Variants in ADAM29 observed in about 807,000 individuals in gnomAD.
The protein encoded by ADAM29 is ADAM metallopeptidase domain 29.
For missense variants in ADAM29, 969 were observed against 1,001.8 expected (o/e 0.97, Z 0.44); for synonymous variants, 367 against 342.3 (o/e 1.07, Z -0.80).
chr4:174,951,319 C>G (rs189152229), intron 4 of ADAM29, among the ~76,000 whole-genome samples: 106 of 152,238 alleles, frequency 7.0e-4, no homozygotes, highest in Non-Finnish European at 1.1e-3. Flanking sequence ...TTCTAAATAG[C>G]GTTGATTATT....
Position 174,976,269 on chromosome 4 carries a change from G to T in ADAM29, c.744G>T (p.Leu248Phe). 6.2e-7 allele frequency: 1 copy of T among 1,610,140 alleles called. No homozygotes were observed. Residue 248 changes from leucine (L) to phenylalanine (F), a missense_variant, in exon 5 of 5, where the codon TTG becomes TTT. Coordinates refer to ENST00000359240, the MANE Select transcript of ADAM29 (RefSeq NM_014269.4). ...GTGTTAAGGTGTTATTATTTGGTTT[G>T]GAGATCTGGACCAATAAAAACCTCA... ...VIGVKVLLFG[L>F]EIWTNKNLIV...
intron 4 of ADAM29, among the ~76,000 whole-genome samples, chr4:174,946,658 T>C (rs901274011): frequency 1.3e-5 from 2 of 152,074 alleles, no homozygotes; most frequent in African/African-American, 4.8e-5. Flanking sequence ...TAGTATTTTA[T>C]TGAGGATTTT....
In ADAM29 at chr4:174,976,983, C is replaced by G. The variant is rs1429162889; in HGVS notation, c.1458C>G (p.Pro486=). 3 of 1,614,072 alleles carry G rather than the reference C, an allele frequency of 1.9e-6. No homozygotes were observed. Among genetic ancestry groups the G allele is most frequent in the East Asian group, 2.2e-5 (1 of 44,866 alleles). The change falls in exon 5 of 5, where the codon CCC becomes CCG. Residue 486 remains proline, a synonymous_variant. Coordinates refer to ENST00000359240, the MANE Select transcript of ADAM29 (RefSeq NM_014269.4). ...ACTTTTATGTGGAAGATGGAATTCC[C>G]TGTAAGGAGAGGGGCTACTGCTATG... ...PDDFYVEDGI[P]CKERGYCYEK...
chr4:174,958,548 G>A (rs758561725), intron 4 of ADAM29, among the ~76,000 whole-genome samples: 1 of 151,672 alleles, frequency 6.6e-6, no homozygotes, highest in Non-Finnish European at 1.5e-5. Context: ...TGAATTTCTT[G>A]CAGACAGCAT....
intron 4 of ADAM29, among the ~76,000 whole-genome samples, chr4:174,954,086 A>G (rs1362462131): frequency 6.6e-6 from 1 of 152,154 alleles, no homozygotes; most frequent in Non-Finnish European, 1.5e-5. Flanking sequence ...TCATTTTCAA[A>G]ATCCACCTTA....
rs1212963022 is a variant in ADAM29, at chr4:174,977,135, A to G, written c.1610A>G (p.Lys537Arg). The G allele has an allele frequency of 1.2e-6, 2 of 1,614,154 alleles. No homozygotes were observed. Among genetic ancestry groups the G allele is most frequent in the East Asian group, 2.2e-5 (1 of 44,886 alleles). ...LGDRVGHCGIKNATYIKCNIS... is the reference protein window; with the variant it reads ...LGDRVGHCGIRNATYIKCNIS... ...GACCGTGTTGGTCACTGTGGTATCA[A>G]AAATGCTACATATATAAAGTGTAAT... Residue 537 changes from lysine (K) to arginine (R), a missense_variant, in exon 5 of 5, where the codon AAA (lysine) becomes AGA (arginine). Physicochemically the swap from Lys to Arg is conservative, Grantham distance 26. Coordinates refer to ENST00000359240, the MANE Select transcript of ADAM29 (RefSeq NM_014269.4).
At chr4:174,934,268 G>A (rs552729553) in intron 3 of ADAM29, among the ~76,000 whole-genome samples, 19 of 152,032 alleles carry the variant, frequency 1.2e-4, no homozygotes, top group African/African-American at 4.3e-4. Context: ...AGTATCATTA[G>A]TGAACTAATT....
At chr4:174,972,821 T>C (rs530240681) in intron 4 of ADAM29, among the ~76,000 whole-genome samples, 1 of 152,126 alleles carries the variant, frequency 6.6e-6, no homozygotes, top group Non-Finnish European at 1.5e-5. Flanking sequence ...ACCAGTCAAG[T>C]CTTCCACACC....
intron 4 of ADAM29, among the ~76,000 whole-genome samples, chr4:174,941,991 C>A (rs1393219274): frequency 1.3e-5 from 2 of 152,098 alleles, no homozygotes; most frequent in Non-Finnish European, 2.9e-5. Context: ...GGCTACAGGC[C>A]CCACGCAATT....
At chr4:174,965,269 A>G (rs1746081765) in intron 4 of ADAM29, among the ~76,000 whole-genome samples, 1 of 152,088 alleles carries the variant, frequency 6.6e-6, no homozygotes, top group African/African-American at 2.4e-5. Context: ...CAAGGAAGCC[A>G]GACCCTTTTT....
chr4:174,918,920 G>T (rs1297934367), intron 1 of ADAM29: 1 of 152,062 alleles, frequency 6.6e-6, no homozygotes, highest in African/African-American at 2.4e-5. Context: ...TCTGTTTTCT[G>T]TTCCTTTAGA....
intron 4 of ADAM29, among the ~76,000 whole-genome samples, chr4:174,967,819 AC>A (rs1184024454): frequency 2.0e-5 from 3 of 152,210 alleles, no homozygotes; most frequent in Non-Finnish European, 2.9e-5. Flanking sequence ...GGTGGTTAAG[AC>A]AAAAACAATC....
At chr4:174,923,519 TTATATGTATATATATATATATATATA>T (rs1256113807) in intron 2 of ADAM29, among the ~76,000 whole-genome samples, 1 of 36,772 alleles carries the variant, frequency 2.7e-5, no homozygotes, top group African/African-American at 5.8e-5. Context: ...ATACTGTGCA[TTATATGTATATATATATATATATATA>T]TATATATATA....
At chr4:174,957,167 G>A (rs1745555671) in intron 4 of ADAM29, among the ~76,000 whole-genome samples, 1 of 151,760 alleles carries the variant, frequency 6.6e-6, no homozygotes, top group Admixed American at 6.6e-5. Flanking sequence ...TCAACATCTG[G>A]ACAAACAGTT....
chr4:174,923,983 A>G (rs943870028), intron 2 of ADAM29: 1 of 152,256 alleles, frequency 6.6e-6, no homozygotes, highest in Non-Finnish European at 1.5e-5. Flanking sequence ...GTCTTCATGA[A>G]TTCTTTGAGC....
chr4:174,923,519 T>TGATATATATATATA (rs546026641), intron 2 of ADAM29, among the ~76,000 whole-genome samples: 5 of 36,732 alleles, frequency 1.4e-4, no homozygotes, highest in African/African-American at 2.9e-4. Context: ...ATACTGTGCA[T>TGATATATATATATA]TATATGTATA....
Position 174,977,114 on chromosome 4 carries a change from G to A in ADAM29, c.1589G>A (p.Arg530His), listed in dbSNP as rs148692882. Residue 530 changes from arginine (R) to histidine (H), a missense_variant, in exon 5 of 5, where the codon CGT becomes CAT. Arg to His is a conservative substitution (Grantham distance 29, BLOSUM62 0). Transcript: ENST00000359240. The part of the protein sequence containing the change: ...CYKELNTLGD[R>H]VGHCGIKNAT... The stretch of plus-strand genomic sequence containing the variant: ...AAAGAATTGAACACCTTAGGTGACC[G>A]TGTTGGTCACTGTGGTATCAAAAAT... 2.3e-5 allele frequency: 37 copies of A among 1,613,996 alleles called. No homozygotes were observed. Among genetic ancestry groups the A allele is most frequent in the African/African-American group, 1.2e-4 (9 of 75,054 alleles).
In ADAM29 at chr4:174,976,551, T is replaced by C. The variant is rs775353439; in HGVS notation, c.1026T>C (p.His342=). The change falls in exon 5 of 5, where the codon CAT becomes CAC. Residue 342 remains histidine, a synonymous_variant. Transcript: ENST00000359240. The part of the protein sequence containing the change: ...HHLGHNLGMN[H]DEDTCRCSQP... ...TAGGTCATAATTTGGGCATGAACCATGATGAGGATACATGTCGTTGTTCAC... is the reference window on the plus strand; with the variant it reads ...TAGGTCATAATTTGGGCATGAACCACGATGAGGATACATGTCGTTGTTCAC... The C allele has an allele frequency of 1.6e-5, 26 of 1,602,792 alleles. No homozygotes were observed. The South Asian group carries it at 2.5e-4, about 15-fold the overall frequency.
chr4:174,935,252 A>G (rs1744138668), intron 3 of ADAM29, among the ~76,000 whole-genome samples: 1 of 152,188 alleles, frequency 6.6e-6, no homozygotes, highest in African/African-American at 2.4e-5. Context: ...ATAATACAGG[A>G]TATGTCATTA....
Sources: allele counts gnomAD v4.1 joint callset (sites outside exome capture counted in the v4.1 genomes callset), GRCh38; gene constraint gnomAD v4.1.1; transcripts MANE v1.5; gene names NCBI Gene and HGNC (gene_info 2026-07-23, HGNC 2026-07-21).